ATP10B: variants seen among roughly 807,000 people sequenced by gnomAD.
The protein encoded by ATP10B is phospholipid-transporting ATPase VB.
In ATP10B, 122 loss-of-function variants were observed where a neutral mutation model predicts 141.2. The ratio of observed to expected loss-of-function variants is 0.86; its 90% CI spans 0.75 to 1.00. The LOEUF (loss-of-function observed/expected upper bound fraction) is 1.00. Ranked by LOEUF, ATP10B falls within the 50% of genes least tolerant of loss-of-function variation. The pLI, the probability that ATP10B is intolerant of heterozygous loss-of-function variation, is 0.00. For missense variants in ATP10B, 1,876 were observed against 1,825.3 expected (o/e 1.03, Z -0.51); for synonymous variants, 685 against 692.0 (o/e 0.99, Z 0.16).
the ATP10B span, among the ~76,000 whole-genome samples, chr5:160,859,117 C>T: frequency 1.3e-5 from 2 of 151,712 alleles, no homozygotes; most frequent in Non-Finnish European, 2.9e-5. Flanking sequence ...GCAACTAATT[C>T]CCTTGGTTTT....
At chr5:160,920,593 G>A in the ATP10B span, among the ~76,000 whole-genome samples, 1 of 152,194 alleles carries the variant, frequency 6.6e-6, no homozygotes, top group Non-Finnish European at 1.5e-5. Flanking sequence ...CCACTTCAAT[G>A]TTCCCAGATA....
At chr5:160,652,874 ATAATATATATATAATTATATAATATATT>A (rs1760894842) in intron 7 of ATP10B, among the ~76,000 whole-genome samples, 1 of 94,190 alleles carries the variant, frequency 1.1e-5, no homozygotes, top group Non-Finnish European at 1.9e-5. Flanking sequence ...TATAATATAT[ATAATATATATATAATTATATAATATATT>A]ATATATACAT....
At chr5:160,635,331 T>G (rs1246148005) in intron 11 of ATP10B, among the ~76,000 whole-genome samples, 1 of 151,928 alleles carries the variant, frequency 6.6e-6, no homozygotes, top group Non-Finnish European at 1.5e-5. Context: ...GGAGCAGGCC[T>G]TGCAGGTGAG....
the ATP10B span, among the ~76,000 whole-genome samples, chr5:160,908,356 G>A: frequency 4.1e-4 from 63 of 152,134 alleles, no homozygotes; most frequent in Non-Finnish European, 8.4e-4. Flanking sequence ...GATAATAATT[G>A]ATATTAGAAA....
At chr5:160,868,634 GTC>G in the ATP10B span, among the ~76,000 whole-genome samples, 1 of 150,498 alleles carries the variant, frequency 6.6e-6, no homozygotes, top group South Asian at 2.1e-4. Context: ...ATAGAGAAAA[GTC>G]TCTCTTTCCT....
chr5:160,637,049 C>CATCCATGA (rs1222497900), intron 10 of ATP10B, among the ~76,000 whole-genome samples: 1 of 139,194 alleles, frequency 7.2e-6, no homozygotes, highest in African/African-American at 2.7e-5. Context: ...TGAATCCATC[C>CATCCATGA]ATCCATCCAT....
chr5:160,860,293 CAAG>C, the ATP10B span, among the ~76,000 whole-genome samples: 5 of 151,598 alleles, frequency 3.3e-5, no homozygotes, highest in African/African-American at 1.2e-4. Context: ...TTTGTTAAAA[CAAG>C]AATATATTAA....
intron 18 of ATP10B, among the ~76,000 whole-genome samples, chr5:160,607,680 T>C (rs1757469095): frequency 6.6e-6 from 1 of 152,222 alleles, no homozygotes; most frequent in African/African-American, 2.4e-5. Context: ...AACTGTGGCA[T>C]GAAGCATTGA....
chr5:160,626,363 T>C (rs1758614019), intron 13 of ATP10B, among the ~76,000 whole-genome samples: 1 of 152,180 alleles, frequency 6.6e-6, no homozygotes, highest in South Asian at 2.1e-4. Flanking sequence ...TTACACTTAC[T>C]GAGAATGCAT....
intron 2 of ATP10B, among the ~76,000 whole-genome samples, chr5:160,731,511 C>T (rs1319987247): frequency 6.6e-6 from 1 of 152,152 alleles, no homozygotes; most frequent in Non-Finnish European, 1.5e-5. Context: ...GTTGTAGAAT[C>T]TGGTCAAGTA....
chr5:160,593,890 G>A (rs531105356), intron 22 of ATP10B, among the ~76,000 whole-genome samples: 1 of 152,162 alleles, frequency 6.6e-6, no homozygotes, highest in Non-Finnish European at 1.5e-5. Flanking sequence ...TATGTGAAAA[G>A]ACCAAATCTA....
intron 8 of ATP10B, among the ~76,000 whole-genome samples, chr5:160,645,099 G>A (rs545540644): frequency 2.7e-5 from 4 of 147,050 alleles, no homozygotes; most frequent in East Asian, 2.0e-4. Flanking sequence ...CCTGGGCTAC[G>A]GGGCAAGACT....
chr5:160,828,447 C>T (rs1027944553), intron 1 of ATP10B, among the ~76,000 whole-genome samples: 2 of 152,034 alleles, frequency 1.3e-5, no homozygotes, highest in African/African-American at 2.4e-5. Context: ...CCAAAAGACA[C>T]ATAAAAAAAT....
intron 1 of ATP10B, among the ~76,000 whole-genome samples, chr5:160,812,020 C>CAGAGAGAGAGAGAGAGAGAG (rs34793101): frequency 1.8e-5 from 2 of 111,418 alleles, no homozygotes; most frequent in African/African-American, 5.8e-5. Context: ...GAGACAGAGA[C>CAGAGAGAGAGAGAGAGAGAG]AGAGAGAGAG....
chr5:160,582,017 C>A (rs750691461), intron 24 of ATP10B, among the ~76,000 whole-genome samples: 1 of 152,088 alleles, frequency 6.6e-6, no homozygotes, highest in Non-Finnish European at 1.5e-5. Context: ...TTCCTCCATC[C>A]CTTTATTTTG....
chr5:160,720,138 G>A (rs1765906890), intron 2 of ATP10B, among the ~76,000 whole-genome samples: 1 of 152,202 alleles, frequency 6.6e-6, no homozygotes, highest in Non-Finnish European at 1.5e-5. Context: ...GCTGGCAAAT[G>A]TAGTGAATGT....
chr5:160,692,532 A>T (rs1412563346), intron 3 of ATP10B: 1 of 152,212 alleles, frequency 6.6e-6, no homozygotes, highest in Non-Finnish European at 1.5e-5. Context: ...TAAAGATAGG[A>T]TTTCTGACAT....
the ATP10B span, among the ~76,000 whole-genome samples, chr5:160,887,892 T>G: frequency 1.1e-4 from 16 of 152,334 alleles, no homozygotes; most frequent in Middle Eastern, 0.01. Flanking sequence ...TTCTTTTTCC[T>G]AAGAGGCCCT....
At chr5:160,893,150 A>T in the ATP10B span, among the ~76,000 whole-genome samples, 21 of 151,946 alleles carry the variant, frequency 1.4e-4, no homozygotes, top group South Asian at 4.4e-3. Flanking sequence ...TAGCTGCAGG[A>T]GTTTTTTTTT....
Sources: allele counts gnomAD v4.1 joint callset (sites outside exome capture counted in the v4.1 genomes callset), GRCh38; gene constraint gnomAD v4.1.1; transcripts MANE v1.5; gene names NCBI Gene and HGNC (gene_info 2026-07-23, HGNC 2026-07-21).